TESMIN: variants seen among roughly 807,000 people sequenced by gnomAD.
The protein encoded by TESMIN is testis expressed metallothionein like protein.
Under a neutral mutation model 47.4 loss-of-function variants are expected in TESMIN, and 34 were observed. That is an observed-to-expected ratio of 0.72 (90% CI 0.55 to 0.96). The LOEUF (loss-of-function observed/expected upper bound fraction) is 0.96. Ranked by LOEUF, TESMIN falls within the 40% of genes least tolerant of loss-of-function variation. TESMIN has a pLI of 0.00. For synonymous variants in TESMIN, 278 were observed against 258.9 expected, an observed-to-expected ratio of 1.07 and a Z score of -0.71; for missense variants, 610 against 637.2, an observed-to-expected ratio of 0.96 and a Z score of 0.46.
chr11:68,725,732 C>T (rs1358132223), intron 6 of TESMIN, among the ~76,000 whole-genome samples: 2 of 152,158 alleles, frequency 1.3e-5, no homozygotes, highest in South Asian at 2.1e-4. Flanking sequence ...TTCAGCCTCC[C>T]AAAGTGCTGG....
chr11:68,726,912 T>TA (rs1407650256), intron 6 of TESMIN, among the ~76,000 whole-genome samples: 2 of 150,418 alleles, frequency 1.3e-5, no homozygotes, highest in Non-Finnish European at 3.0e-5. Context: ...ACCCTATTTC[T>TA]AAAAAAAATA....
At chr11:68,724,126 C>T (rs1946234219) in intron 6 of TESMIN, among the ~76,000 whole-genome samples, 1 of 152,040 alleles carries the variant, frequency 6.6e-6, no homozygotes, top group Non-Finnish European at 1.5e-5. Flanking sequence ...CACTTGTGAA[C>T]AAAGATTCAA....
Position 68,712,000 on chromosome 11 carries a change from G to A in TESMIN, c.1159-951C>T, listed in dbSNP as rs1946078886. Among the ~76,000 whole-genome samples, 2 of 152,248 alleles carry A rather than the reference G, an allele frequency of 1.3e-5. 1 individual carries two copies. Among genetic ancestry groups the A allele is most frequent in the African/African-American group, 4.8e-5 (2 of 41,456 alleles). On this transcript the variant is annotated intron_variant, in intron 8 of 9. Coordinates refer to ENST00000255087, the MANE Select transcript of TESMIN (RefSeq NM_004923.3). ...TTCAGCCCCCCGGGGATTTCCCTCTGTTCTTTCCAGCTGAGAGATGCATCT... is the reference window on the plus strand; with the variant it reads ...TTCAGCCCCCCGGGGATTTCCCTCTATTCTTTCCAGCTGAGAGATGCATCT...
In TESMIN at chr11:68,737,907, C is replaced by T. The variant is rs10750834; in HGVS notation, c.917+793G>A. On this transcript the variant is annotated intron_variant, in intron 6 of 9. Coordinates refer to ENST00000255087, the MANE Select transcript of TESMIN (RefSeq NM_004923.3). ...CAGCCTGGGTGACAGAGCAAGAGTC[C>T]GTCTCAAAAAAACAAAACAAACAAA... 676,336 of 968,020 alleles carry T rather than the reference C, an allele frequency of 0.7. 236,854 individuals are homozygous for T. Among genetic ancestry groups the T allele is most frequent in the East Asian group, 0.86 (7,479 of 8,720 alleles). 60.0% of individuals were successfully genotyped at this position (968,020 alleles called of 1,614,324 possible). A position where few individuals can be genotyped will look rare whatever the true frequency, so the allele number is the denominator to read the frequency against.
chr11:68,713,492 T>G (rs931046548), intron 7 of TESMIN, 85 bp from the exon 8 acceptor site: 12 of 1,496,766 alleles, frequency 8.0e-6, no homozygotes, highest in African/African-American at 1.4e-5. Context: ...TGAATCTGAT[T>G]GTTGTAAAAG....
downstream of TESMIN, among the ~76,000 whole-genome samples, chr11:68,705,525 T>C (rs1197764805): frequency 2.0e-5 from 3 of 152,206 alleles, no homozygotes; most frequent in East Asian, 5.8e-4. Flanking sequence ...CGCCAGACTT[T>C]CTGTGCAGTG....
At chr11:68,722,393 T>C (rs939877383) in intron 6 of TESMIN, among the ~76,000 whole-genome samples, 1 of 152,168 alleles carries the variant, frequency 6.6e-6, no homozygotes, top group African/African-American at 2.4e-5. Context: ...TTGTATATTT[T>C]AAAAGTTTAA....
chr11:68,708,772 G>A (rs1200210396), intron 9 of TESMIN, among the ~76,000 whole-genome samples: 2 of 106,846 alleles, frequency 1.9e-5, no homozygotes, highest in Non-Finnish European at 4.1e-5. Flanking sequence ...TTTTTTTTTT[G>A]ATACTGAGTC....
At chr11:68,740,859 C>T (rs1946447630) in intron 5 of TESMIN, among the ~76,000 whole-genome samples, 1 of 152,192 alleles carries the variant, frequency 6.6e-6, no homozygotes, top group Non-Finnish European at 1.5e-5. Flanking sequence ...TACGCAACAT[C>T]TTCTGAGGCA....
intron 5 of TESMIN, among the ~76,000 whole-genome samples, chr11:68,740,626 C>T (rs1475968717): frequency 6.6e-6 from 1 of 152,206 alleles, no homozygotes; most frequent in African/African-American, 2.4e-5. Context: ...TGCGTGCTCG[C>T]CAGATCCCGA....
chr11:68,750,689 G>C lies in TESMIN; in HGVS notation c.-29C>G. ...GCAGGGCGGCGGGGCGGGATGGCGG[G>C]GGCCGCGCACCTGCAACACGCGGCC... is the stretch of plus-strand genomic sequence containing the variant. On this transcript the variant is annotated 5_prime_UTR_variant, in exon 2 of 10. Coordinates refer to ENST00000255087, the MANE Select transcript of TESMIN (RefSeq NM_004923.3). The C allele has an allele frequency of 4.2e-6, 6 of 1,441,246 alleles. No homozygotes were observed. The highest frequency in any genetic ancestry group is 5.5e-6 in the Non-Finnish European group (6 of 1,092,892). 89.3% of individuals were successfully genotyped at this position (1,441,246 alleles called of 1,614,324 possible).
chr11:68,734,384 G>A (rs1004735152), intron 6 of TESMIN, among the ~76,000 whole-genome samples: 9 of 152,156 alleles, frequency 5.9e-5, no homozygotes, highest in African/African-American at 1.2e-4. Context: ...TTAAACCATC[G>A]GGAGAAGTTC....
At position 68,745,089 on chromosome 11, in the gene TESMIN, C is replaced by A. The variant is rs1175329038; in HGVS notation, c.653G>T (p.Gly218Val). 1.3e-6 allele frequency: 2 copies of A among 1,577,602 alleles called. No homozygotes were observed. The highest frequency in any genetic ancestry group is 2.3e-5 in the East Asian group (1 of 42,930). Residue 218 changes from glycine (G) to valine (V), a missense_variant, in exon 4 of 10, where the codon GGC becomes GTC. Gly to Val is a moderately radical substitution (Grantham distance 109). Transcript: ENST00000255087. ...ATTGTCTATACATAGCATTTGTGTG[C>A]CCCCTTTCAATTGGCATATCACCTA... Reference protein sequence around the residue: ...NPMVICQLKGGTQMLCIDNSR... With the variant: ...NPMVICQLKGVTQMLCIDNSR...
intron 2 of TESMIN, among the ~76,000 whole-genome samples, chr11:68,747,740 G>C (rs1218115804): frequency 6.6e-6 from 1 of 152,170 alleles, no homozygotes; most frequent in Non-Finnish European, 1.5e-5. Context: ...TTGTAATTAG[G>C]TAGTAGCCCT....
At chr11:68,731,760 G>A (rs1946329925) in intron 6 of TESMIN, among the ~76,000 whole-genome samples, 1 of 152,188 alleles carries the variant, frequency 6.6e-6, no homozygotes, top group Admixed American at 6.5e-5. Flanking sequence ...ACACCAGCAC[G>A]AGGTCAGGGG....
Position 68,710,960 on chromosome 11 carries a change from T to G in TESMIN, c.1248A>C (p.Pro416=). The stretch of plus-strand genomic sequence containing the variant: ...CCAAACCTCCAGTCTGCATGTAGTT[T>G]GGCATGCTCATTAGTGTCTTTCGTT... The part of the protein sequence containing the change: ...SPERKTLMSM[P]NYMQTGGLEG... Residue 416 remains proline (P), a synonymous_variant, in exon 9 of 10, where the codon CCA becomes CCC. Coordinates refer to ENST00000255087, the MANE Select transcript of TESMIN (RefSeq NM_004923.3). 1 of 1,614,084 alleles carries G rather than the reference T, an allele frequency of 6.2e-7. No individual in the cohort carries two copies. Among genetic ancestry groups the G allele is most frequent in the Admixed American group, 1.7e-5 (1 of 60,014 alleles).
At chr11:68,714,862 C>A (rs773620379) in intron 7 of TESMIN, among the ~76,000 whole-genome samples, 43 of 152,178 alleles carry the variant, frequency 2.8e-4, no homozygotes, top group Non-Finnish European at 5.4e-4. Flanking sequence ...GGTTGTGCCC[C>A]TTTATATGCC....
intron 6 of TESMIN, among the ~76,000 whole-genome samples, chr11:68,718,189 C>T (rs1411067364): frequency 6.6e-6 from 1 of 152,024 alleles, no homozygotes; most frequent in African/African-American, 2.4e-5. Flanking sequence ...CAGCCCACAC[C>T]TCATTCTTAA....
chr11:68,713,527 G>T, intron 7 of TESMIN, 120 bp from the exon 8 acceptor site: 1 of 1,173,386 alleles, frequency 8.5e-7, no homozygotes, highest in Non-Finnish European at 1.2e-6. Flanking sequence ...AGAGTCTCTT[G>T]ACATGGTTCA....
Sources: gnomAD v4.1 joint callset for allele counts (sites outside exome capture counted in the v4.1 genomes callset) on GRCh38, gnomAD v4.1.1 for gene constraint, MANE v1.5 for transcripts, NCBI Gene and HGNC (gene_info 2026-07-23, HGNC 2026-07-21) for gene names.